The following KTN1 variants were observed in gnomAD, a reference collection of about 807,000 sequenced individuals.
KTN1 encodes the protein kinectin 1, also known as kinectin.
A neutral mutation model predicts 222.5 loss-of-function variants in KTN1; 130 were observed. The observed-to-expected ratio is 0.58, with a 90% CI of 0.51 to 0.68. The LOEUF (loss-of-function observed/expected upper bound fraction) is 0.68. Ranked by LOEUF, KTN1 falls within the 30% of genes least tolerant of loss-of-function variation. KTN1 has a pLI of 0.00. For synonymous variants in KTN1, 512 were observed against 496.3 expected (o/e 1.03, Z -0.42); for missense variants, 1,508 against 1,500.4 (o/e 1.01, Z -0.08).
intron 1 of KTN1, among the ~76,000 whole-genome samples, chr14:55,594,040 A>G (rs375558395): frequency 2.3e-4 from 35 of 152,178 alleles, no homozygotes; most frequent in Non-Finnish European, 1.5e-5. Flanking sequence ...TTTCTCACCC[A>G]GTACGATGTT....
chr14:55,654,069 A>G (rs2043205526), intron 28 of KTN1, among the ~76,000 whole-genome samples: 1 of 152,188 alleles, frequency 6.6e-6, no homozygotes, highest in South Asian at 2.1e-4. Context: ...CCTGTGCTGA[A>G]TAGGAAAACT....
intron 31 of KTN1, 127 bp downstream of exon 31, chr14:55,659,830 T>G (rs2043915558): frequency 1.5e-5 from 9 of 603,248 alleles, no homozygotes; most frequent in Non-Finnish European, 2.4e-5. Flanking sequence ...TTTGGATATC[T>G]TGAATTGCAG....
chr14:55,615,217 A>G (rs911883531), intron 2 of KTN1, among the ~76,000 whole-genome samples: 6 of 152,184 alleles, frequency 3.9e-5, no homozygotes, highest in African/African-American at 7.2e-5. Context: ...TTACTATTTT[A>G]ACAACTTTTA....
chr14:55,648,165 A>G (rs1298118929), intron 20 of KTN1, 50 bp downstream of exon 20: 1 of 908,578 alleles, frequency 1.1e-6, no homozygotes, highest in Non-Finnish European at 1.7e-6. Context: ...AGTGACATAA[A>G]AGGATTTCTC....
In KTN1 at chr14:55,618,035, G is replaced by A; in HGVS notation, c.733G>A (p.Val245Met). 2 of 1,612,528 alleles carry A rather than the reference G, an allele frequency of 1.2e-6. No individual in the cohort carries two copies. The highest frequency in any genetic ancestry group is 1.7e-6 in the Non-Finnish European group (2 of 1,178,818). Residue 245 changes from valine to methionine, a missense_variant, in exon 4 of 44, where the codon GTG becomes ATG. Transcript: ENST00000395314. The part of the protein sequence containing the change: ...PLMDNADSSP[V>M]VDKREVIDLL... ...GATGGATAATGCTGACTCAAGTCCT[G>A]TGGTAGATAAGAGAGAGGTTATTGA...
intron 1 of KTN1, among the ~76,000 whole-genome samples, chr14:55,589,894 T>TA (rs1566656126): frequency 6.6e-6 from 1 of 152,028 alleles, no homozygotes; most frequent in Non-Finnish European, 1.5e-5. Context: ...CTTGACCTTG[T>TA]GATCTGCCCA....
intron 39 of KTN1, 48 bp downstream of exon 39, chr14:55,673,060 G>A (rs1389888752): frequency 1.3e-6 from 2 of 1,526,942 alleles, no homozygotes; most frequent in Admixed American, 1.7e-5. Context: ...TTCAGATTAA[G>A]TTTATAACAG....
chr14:55,683,998 G>A (rs1421208544), intron 43 of KTN1, 101 bp from the exon 44 acceptor site: 5 of 959,664 alleles, frequency 5.2e-6, no homozygotes, highest in Non-Finnish European at 6.4e-6. Context: ...GGCCATGCTA[G>A]ATCAAATGGA....
chr14:55,641,227 A>T lies in KTN1; in HGVS notation c.2103+19A>T. ...ATTTAAGGTGTGTGATTAAGCTTGT[A>T]CACTCAGGTTTCTTAGAACAACCTT... is the stretch of plus-strand genomic sequence containing the variant. On this transcript the variant is annotated intron_variant, in intron 17 of 43. Coordinates refer to ENST00000395314, the MANE Select transcript of KTN1 (RefSeq NM_001079521.2). 1 of 1,450,946 alleles carries T rather than the reference A, an allele frequency of 6.9e-7. No homozygotes were observed. Among genetic ancestry groups the T allele is most frequent in the Non-Finnish European group, 9.4e-7 (1 of 1,059,224 alleles). 89.9% of individuals were successfully genotyped at this position (1,450,946 alleles called of 1,614,324 possible). A position where few individuals can be genotyped will look rare whatever the true frequency, so the allele number is the denominator to read the frequency against.
rs370256596 is a variant in KTN1, at chr14:55,637,377, CT to C, written c.1716+26del. The C allele has an allele frequency of 0.13, 136,416 of 1,073,850 alleles. 48 individuals carry two copies. The highest frequency in any genetic ancestry group is 0.17 in the South Asian group (9,122 of 55,064). The allele number at this position is 1,073,850 out of a possible 1,614,324, so 66.5% of individuals were successfully genotyped here. On this transcript the variant is annotated intron_variant, in intron 11 of 43. Coordinates refer to ENST00000395314, the MANE Select transcript of KTN1 (RefSeq NM_001079521.2). ...AATGCAGGTTCAGGTATTTTTTCTT[CT>C]TTTTTTTTTTTTAAAAAAATACAGG... is the stretch of plus-strand genomic sequence containing the variant.
intron 11 of KTN1, 102 bp from the exon 12 acceptor site, chr14:55,637,677 A>T (rs984519746): frequency 1.2e-6 from 1 of 845,488 alleles, no homozygotes; most frequent in Non-Finnish European, 1.8e-6. Context: ...TTAAAAAAAA[A>T]AAAGAAAAAG....
At chr14:55,625,051 G>A (rs1421771169) in intron 5 of KTN1, among the ~76,000 whole-genome samples, 1 of 152,158 alleles carries the variant, frequency 6.6e-6, no homozygotes, top group Non-Finnish European at 1.5e-5. Context: ...ACATGCCCTT[G>A]TATTCGAGTT....
At chr14:55,643,284 C>CT (rs1296496056) in intron 18 of KTN1, among the ~76,000 whole-genome samples, 1 of 152,130 alleles carries the variant, frequency 6.6e-6, no homozygotes, top group Non-Finnish European at 1.5e-5. Context: ...TAAGATTTCT[C>CT]TCCCCCCACC....
At chr14:55,658,353 A>C (rs1464940933) in intron 29 of KTN1, among the ~76,000 whole-genome samples, 193 bp from the exon 30 acceptor site, 1 of 152,204 alleles carries the variant, frequency 6.6e-6, no homozygotes, top group Non-Finnish European at 1.5e-5. Flanking sequence ...TGAGACATGC[A>C]AACTCCGCAG....
At chr14:55,632,542 T>C (rs1008405009) in intron 7 of KTN1, among the ~76,000 whole-genome samples, 16 of 151,712 alleles carry the variant, frequency 1.1e-4, no homozygotes, top group African/African-American at 3.9e-4. Context: ...GGGAGAGGAA[T>C]GGGAGTTATT....
Position 55,670,579 on chromosome 14 carries a change from A to G in KTN1, c.3268-150A>G, listed in dbSNP as rs1462316129. The G allele has an allele frequency of 7.2e-6, 4 of 552,318 alleles. No individual in the cohort carries two copies. In the African/African-American group the frequency reaches 7.8e-5, roughly 11 times the overall value. 34.2% of individuals were successfully genotyped at this position (552,318 alleles called of 1,614,324 possible). On this transcript the variant is annotated intron_variant, in intron 34 of 43. Transcript: ENST00000395314. ...TATGTCCAACTTATGCAGTAGTTAC[A>G]TTCCTCTTTGAAATTTGTAGCAATG...
chr14:55,595,298 A>C (rs1024054037), intron 1 of KTN1, among the ~76,000 whole-genome samples: 1 of 152,246 alleles, frequency 6.6e-6, no homozygotes, highest in Non-Finnish European at 1.5e-5. Flanking sequence ...AATACCAAAA[A>C]AGGTCATTGC....
intron 2 of KTN1, among the ~76,000 whole-genome samples, chr14:55,613,590 T>G (rs776033166): frequency 1.3e-5 from 2 of 150,860 alleles, no homozygotes; most frequent in Non-Finnish European, 2.9e-5. Flanking sequence ...GCTGCCCAAG[T>G]TCAAGTGATT....
At chr14:55,626,998 C>T (rs777140587) in intron 5 of KTN1, among the ~76,000 whole-genome samples, 27 of 152,088 alleles carry the variant, frequency 1.8e-4, no homozygotes, top group Non-Finnish European at 1.6e-4. Context: ...CTGTTAATTT[C>T]AGAGAACTAC....
Sources: gnomAD v4.1 joint callset for allele counts (sites outside exome capture counted in the v4.1 genomes callset) on GRCh38, gnomAD v4.1.1 for gene constraint, MANE v1.5 for transcripts, NCBI Gene and HGNC (gene_info 2026-07-23, HGNC 2026-07-21) for gene names.